The following BBS9 variants were observed in gnomAD, a reference collection of about 807,000 sequenced individuals.
BBS9 encodes Bardet-Biedl syndrome 9, also known as protein PTHB1.
Under a neutral mutation model 117.7 loss-of-function variants are expected in BBS9, and 89 were observed. The ratio of observed to expected loss-of-function variants is 0.76; its 90% CI spans 0.64 to 0.90. The LOEUF (loss-of-function observed/expected upper bound fraction) is 0.90, where lower values mean the gene tolerates loss of function less well. Ranked by LOEUF, BBS9 falls within the 40% of genes least tolerant of loss-of-function variation. BBS9 has a pLI of 0.00. For missense variants in BBS9, 982 were observed against 1,042.2 expected (o/e 0.94, Z 0.80); for synonymous variants, 379 against 370.9 (o/e 1.02, Z -0.25).
intron 19 of BBS9, among the ~76,000 whole-genome samples, chr7:33,428,663 A>G (rs562331495): frequency 3.9e-5 from 6 of 152,308 alleles, no homozygotes; most frequent in East Asian, 1.9e-4. Context: ...CCTGATGTCA[A>G]CTGACAAAGG....
chr7:33,410,901 C>A (rs1831002940), intron 19 of BBS9, among the ~76,000 whole-genome samples: 1 of 151,344 alleles, frequency 6.6e-6, no homozygotes, highest in East Asian at 1.9e-4. Context: ...CTCGTAAGAT[C>A]CATAGTACTT....
At chr7:33,604,800 T>C (rs1864328870) in intron 21 of BBS9, 65 bp from the exon 22 acceptor site, 3 of 1,065,680 alleles carry the variant, frequency 2.8e-6, no homozygotes, top group Non-Finnish European at 4.3e-6. Context: ...TAAGCTATGA[T>C]TGCTGTGTAG....
At chr7:33,377,774 T>C (rs1824166502) in intron 17 of BBS9, among the ~76,000 whole-genome samples, 5 of 152,182 alleles carry the variant, frequency 3.3e-5, no homozygotes, top group Non-Finnish European at 7.3e-5. Context: ...TATTTTATTC[T>C]TTTTGTGGTA....
At chr7:33,303,527 C>CAT (rs768692059) in intron 9 of BBS9, among the ~76,000 whole-genome samples, 1 of 96,130 alleles carries the variant, frequency 1.0e-5, no homozygotes, top group Admixed American at 1.0e-4. Flanking sequence ...TCCCCTCCCC[C>CAT]CGCCCCTTCT....
At chr7:33,513,283 A>C (rs1189894152) in intron 20 of BBS9, among the ~76,000 whole-genome samples, 1 of 151,930 alleles carries the variant, frequency 6.6e-6, no homozygotes, top group Non-Finnish European at 1.5e-5. Flanking sequence ...ATCAATGTTC[A>C]TTTCCTCCCT....
rs74551049 is a variant in BBS9, at chr7:33,514,937, C to T, written c.2298+9292C>T. Among the ~76,000 whole-genome samples the T allele has an allele frequency of 8.5e-3, 1,292 of 152,228 alleles. 17 individuals carry two copies. Among genetic ancestry groups the T allele is most frequent in the African/African-American group, 0.03 (1,230 of 41,530 alleles). On this transcript the variant is annotated intron_variant, in intron 20 of 22. Transcript: ENST00000242067. ...ACTTTTCAAAGGTGTGCATGTTTCA[C>T]GAGGACACTCTATATATACATCTTA... is the stretch of plus-strand genomic sequence containing the variant.
chr7:33,135,013 C>T (rs1015277266), intron 1 of BBS9, among the ~76,000 whole-genome samples: 1 of 152,208 alleles, frequency 6.6e-6, no homozygotes, highest in Non-Finnish European at 1.5e-5. Context: ...CCACCTTAGC[C>T]TCCCCAGTAG....
chr7:33,416,726 G>T (rs564995348), intron 19 of BBS9, among the ~76,000 whole-genome samples: 1 of 152,142 alleles, frequency 6.6e-6, no homozygotes, highest in African/African-American at 2.4e-5. Context: ...GGTTTTCCAC[G>T]TTATTCCAAA....
chr7:33,294,336 TC>T lies in BBS9; in HGVS notation c.1016+20381del, dbSNP rs1216831449. ...ATCTATCTATCTATCTATCTATCTA[TC>T]TATCTATCTATCTATCTCTTTGTCC... On this transcript the variant is annotated intron_variant, in intron 9 of 22. Transcript: ENST00000242067. Among the ~76,000 whole-genome samples the T allele has an allele frequency of 1.3e-4, 19 of 145,634 alleles. 1 individual carries two copies. In the South Asian group the frequency reaches 3.9e-3, roughly 30 times the overall value.
rs902247855 is a variant in BBS9, at chr7:33,310,768, T to C, written c.1017-25673T>C. On this transcript the variant is annotated intron_variant, in intron 9 of 22. Coordinates refer to ENST00000242067, the MANE Select transcript of BBS9 (RefSeq NM_198428.3). Reference sequence around the variant, plus strand: ...TGGAATGCTGCTAAACATCCTGTGATACATGAGACAGTCCCCACAAGAAAG... The same window carrying C: ...TGGAATGCTGCTAAACATCCTGTGACACATGAGACAGTCCCCACAAGAAAG... 3.9e-5 allele frequency among the ~76,000 whole-genome samples: 6 copies of C among 152,222 alleles called. No homozygotes were observed. The East Asian group carries it at 1.2e-3, about 29-fold the overall frequency.
intron 5 of BBS9, among the ~76,000 whole-genome samples, chr7:33,201,767 T>C (rs1475703990): frequency 6.6e-6 from 1 of 152,130 alleles, no homozygotes; most frequent in Non-Finnish European, 1.5e-5. Context: ...ATTCACCACC[T>C]TAAAGCAGGA....
chr7:33,344,752 G>A lies in BBS9; in HGVS notation c.1329+118G>A. 2.7e-6 allele frequency: 3 copies of A among 1,102,132 alleles called. No individual in the cohort carries two copies. In the East Asian group the frequency reaches 7.2e-5, roughly 26 times the overall value. The allele number at this position is 1,102,132 out of a possible 1,614,324, so 68.3% of individuals were successfully genotyped here. A position where few individuals can be genotyped will look rare whatever the true frequency, so the allele number is the denominator to read the frequency against. Reference sequence around the variant, plus strand: ...AATGTAAAATAAACACTTGGCATTTGTAGATTTTTCCCCAGCCTTGAGTAG... The same window carrying A: ...AATGTAAAATAAACACTTGGCATTTATAGATTTTTCCCCAGCCTTGAGTAG... On this transcript the variant is annotated intron_variant, in intron 12 of 22. Coordinates refer to ENST00000242067, the MANE Select transcript of BBS9 (RefSeq NM_198428.3).
chr7:33,603,415 T>G (rs1031230945), intron 21 of BBS9, among the ~76,000 whole-genome samples: 4 of 152,158 alleles, frequency 2.6e-5, no homozygotes, highest in African/African-American at 7.2e-5. Context: ...ACTGGCTTTT[T>G]GGGCCTCTCC....
At chr7:33,500,808 T>C (rs1408025601) in intron 19 of BBS9, among the ~76,000 whole-genome samples, 1 of 152,218 alleles carries the variant, frequency 6.6e-6, no homozygotes, top group Non-Finnish European at 1.5e-5. Context: ...TCTTGGCAGC[T>C]GGAAGTATTT....
rs368213521 is a variant in BBS9 at position 33,602,250 on chromosome 7, T to C, written c.2522-2615T>C. On this transcript the variant is annotated intron_variant, in intron 21 of 22. Transcript: ENST00000242067. ...GGCCTACAGAAGAGAACTAATCATC[T>C]GGCATATTCCTAGTTGGTGGGAGCA... 2.3e-3 allele frequency among the ~76,000 whole-genome samples: 345 copies of C among 152,288 alleles called. 2 individuals carry two copies. Among genetic ancestry groups the C allele is most frequent in the African/African-American group, 7.8e-3 (326 of 41,554 alleles).
intron 19 of BBS9, among the ~76,000 whole-genome samples, chr7:33,424,211 A>T (rs995763917): frequency 6.6e-6 from 1 of 152,240 alleles, no homozygotes; most frequent in African/African-American, 2.4e-5. Context: ...ATGGAAGAAT[A>T]TAGGAAAACT....
At chr7:33,390,564 T>C in intron 19 of BBS9, 1 of 961,228 alleles carries the variant, frequency 1.0e-6, no homozygotes, top group Non-Finnish European at 1.2e-6. Context: ...TTCAATTTTA[T>C]TATATGTATA....
intron 19 of BBS9, among the ~76,000 whole-genome samples, chr7:33,472,105 T>C (rs1013242885): frequency 1.3e-5 from 2 of 152,240 alleles, no homozygotes; most frequent in Admixed American, 1.3e-4. Context: ...AGGCTCTGAC[T>C]GAGAACTAGC....
chr7:33,199,766 A>G (rs1377670661), intron 5 of BBS9, among the ~76,000 whole-genome samples: 1 of 151,816 alleles, frequency 6.6e-6, no homozygotes, highest in Non-Finnish European at 1.5e-5. Context: ...AATAAGGATG[A>G]AGTTTTTAGG....
Sources: gnomAD v4.1 joint callset for allele counts (sites outside exome capture counted in the v4.1 genomes callset) on GRCh38, gnomAD v4.1.1 for gene constraint, MANE v1.5 for transcripts, NCBI Gene and HGNC (gene_info 2026-07-23, HGNC 2026-07-21) for gene names.